OTUD7A: variants seen among roughly 807,000 people sequenced by gnomAD.
The protein encoded by OTUD7A is OTU deubiquitinase 7A.
A neutral mutation model predicts 65.7 loss-of-function variants in OTUD7A; 12 were observed. The observed-to-expected ratio is 0.18, with a 90% CI of 0.12 to 0.30. OTUD7A has a LOEUF of 0.30. Ranked by LOEUF, OTUD7A falls within the 10% of genes least tolerant of loss-of-function variation. The probability of loss-of-function intolerance (pLI) is 1.00; values close to 1 mark genes in which losing one functional copy is unlikely to be tolerated. For synonymous variants in OTUD7A, 641 were observed against 586.3 expected (o/e 1.09, Z -1.35); for missense variants, 1,148 against 1,304.8 (o/e 0.88, Z 1.85).
intron 3 of OTUD7A, among the ~76,000 whole-genome samples, chr15:31,608,729 A>G (rs1249624961): frequency 1.3e-5 from 2 of 152,264 alleles, no homozygotes; most frequent in Non-Finnish European, 2.9e-5. Flanking sequence ...GCAATATTTT[A>G]AAAGATAATG....
chr15:31,809,372 T>C (rs1896362997), intron 1 of OTUD7A, among the ~76,000 whole-genome samples: 1 of 152,128 alleles, frequency 6.6e-6, no homozygotes, highest in Admixed American at 6.6e-5. Context: ...GCTTGAGCGG[T>C]AGTGGTGGGT....
chr15:31,558,808 C>G, intron 5 of OTUD7A, 161 bp downstream of exon 5: 1 of 748,438 alleles, frequency 1.3e-6, no homozygotes, highest in Non-Finnish European at 2.2e-6. Flanking sequence ...AGAACACTGT[C>G]GGCCCGTAGA....
intron 1 of OTUD7A, among the ~76,000 whole-genome samples, chr15:31,744,506 A>G (rs1894424595): frequency 2.0e-5 from 3 of 152,110 alleles, no homozygotes; most frequent in Non-Finnish European, 4.4e-5. Context: ...TAAATTTAAT[A>G]CCTATTCATT....
chr15:31,724,623 G>A (rs1350429842), intron 1 of OTUD7A, among the ~76,000 whole-genome samples: 30 of 150,896 alleles, frequency 2.0e-4, no homozygotes, highest in African/African-American at 4.4e-4. Context: ...ACAGAATGGG[G>A]GCATACATAG....
chr15:31,688,700 T>G (rs1030121493), intron 1 of OTUD7A, among the ~76,000 whole-genome samples: 29 of 152,202 alleles, frequency 1.9e-4, no homozygotes, highest in Admixed American at 2.6e-4. Context: ...TGTCTCATGA[T>G]GTCAGCAACT....
At chr15:31,868,885 T>C (rs543740940) in intron 1 of OTUD7A, among the ~76,000 whole-genome samples, 123 of 152,318 alleles carry the variant, frequency 8.1e-4, no homozygotes, top group African/African-American at 2.9e-3. Context: ...GTTCAAGAGA[T>C]TGAAGTTCCT....
chr15:31,856,451 T>C (rs1897575737), intron 1 of OTUD7A, among the ~76,000 whole-genome samples: 1 of 152,186 alleles, frequency 6.6e-6, no homozygotes, highest in African/African-American at 2.4e-5. Context: ...CTAGTATGAC[T>C]CGATTTTTAC....
At chr15:31,794,876 G>C (rs1014828744) in intron 1 of OTUD7A, among the ~76,000 whole-genome samples, 3 of 152,108 alleles carry the variant, frequency 2.0e-5, no homozygotes, top group African/African-American at 7.2e-5. Flanking sequence ...ATTTACTCAA[G>C]ATTTAATTTT....
At chr15:31,851,923 A>G (rs1897436951) in intron 1 of OTUD7A, among the ~76,000 whole-genome samples, 1 of 152,178 alleles carries the variant, frequency 6.6e-6, no homozygotes, top group Non-Finnish European at 1.5e-5. Context: ...CAGTGGCACA[A>G]TCTCAGCTCA....
intron 3 of OTUD7A, among the ~76,000 whole-genome samples, chr15:31,623,558 C>T (rs1267430698): frequency 6.6e-6 from 1 of 152,224 alleles, no homozygotes; most frequent in African/African-American, 2.4e-5. Context: ...GTGGGACCCT[C>T]CGAGCCAGGC....
intron 8 of OTUD7A, among the ~76,000 whole-genome samples, chr15:31,515,834 CATCT>C (rs992780576): frequency 4.8e-4 from 72 of 151,398 alleles, no homozygotes; most frequent in African/African-American, 1.1e-3. Context: ...TCCATCCATC[CATCT>C]GTCCATCCAT....
chr15:31,821,647 G>A (rs1334446770), intron 1 of OTUD7A, among the ~76,000 whole-genome samples: 1 of 152,090 alleles, frequency 6.6e-6, no homozygotes, highest in Non-Finnish European at 1.5e-5. Context: ...TGGAATTACT[G>A]GGTCATATGG....
intron 12 of OTUD7A, among the ~76,000 whole-genome samples, chr15:31,486,724 G>A (rs2041242778): frequency 6.6e-6 from 1 of 152,228 alleles, no homozygotes; most frequent in Admixed American, 6.5e-5. Context: ...CCGAGGAATC[G>A]CGCTCTCAGT....
intron 5 of OTUD7A, among the ~76,000 whole-genome samples, chr15:31,541,873 G>T (rs1481270916): frequency 6.6e-6 from 1 of 152,114 alleles, no homozygotes; most frequent in Non-Finnish European, 1.5e-5. Flanking sequence ...ATTTTGCTCT[G>T]GCAAAGGCAG....
intron 3 of OTUD7A, among the ~76,000 whole-genome samples, chr15:31,573,663 G>A (rs1224782313): frequency 6.6e-6 from 1 of 152,222 alleles, no homozygotes; most frequent in African/African-American, 2.4e-5. Flanking sequence ...TACTTTGGGA[G>A]GCCAAAGTAG....
intron 1 of OTUD7A, among the ~76,000 whole-genome samples, chr15:31,688,745 A>G (rs983365552): frequency 1.3e-5 from 2 of 152,070 alleles, no homozygotes; most frequent in African/African-American, 4.8e-5. Flanking sequence ...AGAATCAAAC[A>G]CACACAAACA....
intron 1 of OTUD7A, among the ~76,000 whole-genome samples, chr15:31,804,998 G>C (rs1304105113): frequency 1.3e-5 from 2 of 152,204 alleles, no homozygotes; most frequent in Non-Finnish European, 2.9e-5. Flanking sequence ...GAAGAAGACA[G>C]GCATCAGAAA....
At chr15:31,580,131 T>C (rs1889328385) in intron 3 of OTUD7A, among the ~76,000 whole-genome samples, 1 of 152,126 alleles carries the variant, frequency 6.6e-6, no homozygotes. Context: ...GAGAGGGGTG[T>C]TACTGGACAG....
At chr15:31,748,452 C>A (rs1020520153) in intron 1 of OTUD7A, among the ~76,000 whole-genome samples, 1 of 150,620 alleles carries the variant, frequency 6.6e-6, no homozygotes, top group African/African-American at 2.4e-5. Flanking sequence ...ATATGACATA[C>A]CATATATATA....
Sources: gnomAD v4.1 joint callset for allele counts (sites outside exome capture counted in the v4.1 genomes callset) on GRCh38, gnomAD v4.1.1 for gene constraint, MANE v1.5 for transcripts, NCBI Gene and HGNC (gene_info 2026-07-23, HGNC 2026-07-21) for gene names.